Variants in MYLK3 observed in about 807,000 individuals in gnomAD.
The protein encoded by MYLK3 is MLC kinase.
Under a neutral mutation model 76.3 loss-of-function variants are expected in MYLK3, and 55 were observed. That is an observed-to-expected ratio of 0.72 (90% CI 0.58 to 0.90). The LOEUF (loss-of-function observed/expected upper bound fraction) is 0.90, where lower values mean the gene tolerates loss of function less well. Among genes scored for constraint, MYLK3 ranks in the 40% least tolerant of loss-of-function variants. The pLI is 0.00. For synonymous variants in MYLK3, 416 were observed against 425.4 expected, an observed-to-expected ratio of 0.98 and a Z score of 0.27; for missense variants, 973 against 1,053.6, an observed-to-expected ratio of 0.92 and a Z score of 1.06.
intron 9 of MYLK3, among the ~76,000 whole-genome samples, chr16:46,717,514 A>C (rs1359371396): frequency 6.6e-6 from 1 of 151,378 alleles, no homozygotes; most frequent in African/African-American, 2.4e-5. Context: ...TAGTGCCCTC[A>C]TCTTCCACTG....
intron 9 of MYLK3, among the ~76,000 whole-genome samples, chr16:46,716,449 G>GTA (rs1212791784): frequency 4.0e-5 from 6 of 151,238 alleles, no homozygotes; most frequent in Admixed American, 2.0e-4. Context: ...GTATGTATGT[G>GTA]TATATATATG....
intron 1 of MYLK3, among the ~76,000 whole-genome samples, chr16:46,760,115 G>A (rs1184619910): frequency 2.4e-4 from 37 of 152,220 alleles, no homozygotes; most frequent in Admixed American, 2.3e-3. Flanking sequence ...CAGTGCTCGT[G>A]ATCTCTGCTC....
Position 46,704,083 on chromosome 16 carries a change from G to C in MYLK3, c.*3621C>G, listed in dbSNP as rs1966602450. 6.6e-6 allele frequency: 1 copy of C among 152,086 alleles called. No homozygotes were observed. Among genetic ancestry groups the C allele is most frequent in the Non-Finnish European group, 1.5e-5 (1 of 68,032 alleles). The allele number at this position is 152,086 out of a possible 1,614,324, so 9.4% of individuals were successfully genotyped here. On this transcript the variant is annotated 3_prime_UTR_variant, in exon 13 of 13. Transcript: ENST00000394809. ...TGAAAACCTAGCATCTGAATTGACAGGTTTTTTTTTGTTTTGTTTGTTTGT... is the reference window on the plus strand; with the variant it reads ...TGAAAACCTAGCATCTGAATTGACACGTTTTTTTTTGTTTTGTTTGTTTGT...
chr16:46,747,634 C>T, intron 1 of MYLK3, 83 bp downstream of exon 1: 1 of 1,351,928 alleles, frequency 7.4e-7, no homozygotes, highest in Non-Finnish European at 1.0e-6. Flanking sequence ...ATGCCTCCAG[C>T]TCTCCAAACA....
At position 46,732,654 on chromosome 16, in the gene MYLK3, A is replaced by T. The variant is rs534005345; in HGVS notation, c.1016T>A (p.Ile339Lys). ...CTCCCCAGGAGTATCCATCTCTTGT[A>T]TGTGGATGGAGATCCTGGGGTGGAG... is the stretch of plus-strand genomic sequence containing the variant. ...GETPPRISIH[I>K]QEMDTPGEML... Residue 339 changes from isoleucine (I) to lysine (K), a missense_variant, in exon 4 of 13, where the codon ATA (isoleucine) becomes AAA (lysine). Physicochemically the swap from Ile to Lys is moderately radical, Grantham distance 102. Transcript: ENST00000394809. The T allele has an allele frequency of 1.6e-5, 25 of 1,520,646 alleles. No individual in the cohort carries two copies. The South Asian group carries it at 3.1e-4, about 19-fold the overall frequency. The allele number at this position is 1,520,646 out of a possible 1,614,324, so 94.2% of individuals were successfully genotyped here.
chr16:46,751,972 G>A (rs1012153652), upstream of MYLK3, among the ~76,000 whole-genome samples: 83 of 152,174 alleles, frequency 5.5e-4, no homozygotes, highest in African/African-American at 1.8e-3. Context: ...GGATGGGGAG[G>A]CATTGACCCC....
chr16:46,725,637 T>C (rs1966839385), intron 8 of MYLK3: 1 of 152,254 alleles, frequency 6.6e-6, no homozygotes, highest in African/African-American at 2.4e-5. Context: ...TTGTCATGAA[T>C]ATAATCCTTT....
Position 46,706,600 on chromosome 16 carries a change from C to G in MYLK3, c.*1104G>C, listed in dbSNP as rs564816350. 1.6e-4 allele frequency: 24 copies of G among 152,288 alleles called. No homozygotes were observed. Among genetic ancestry groups the G allele is most frequent in the African/African-American group, 5.8e-4 (24 of 41,570 alleles). The allele number at this position is 152,288 out of a possible 1,614,324, so 9.4% of individuals were successfully genotyped here. Reference sequence around the variant, plus strand: ...TGAGCCACCACACCCAGCTTATATACTGTATTCTTACAATAAAGTAAGCTA... The same window carrying G: ...TGAGCCACCACACCCAGCTTATATAGTGTATTCTTACAATAAAGTAAGCTA... On this transcript the variant is annotated 3_prime_UTR_variant, in exon 13 of 13. Transcript: ENST00000394809.
rs1475537497 is a variant in MYLK3 at position 46,704,560 on chromosome 16, C to T, written c.*3144G>A. On this transcript the variant is annotated 3_prime_UTR_variant, in exon 13 of 13. Transcript: ENST00000394809. ...CCCTGGGTTCAAGTGATTCTCTGGCCTCAGCCTCCCTAGTAGCTGGTAAAG... is the reference window on the plus strand; with the variant it reads ...CCCTGGGTTCAAGTGATTCTCTGGCTTCAGCCTCCCTAGTAGCTGGTAAAG... The T allele has an allele frequency of 6.6e-6, 1 of 152,110 alleles. No individual in the cohort carries two copies. The highest frequency in any genetic ancestry group is 1.5e-5 in the Non-Finnish European group (1 of 68,024). 9.4% of individuals were successfully genotyped at this position (152,110 alleles called of 1,614,324 possible).
At chr16:46,738,307 T>A (rs193168910) in intron 2 of MYLK3, among the ~76,000 whole-genome samples, 164 bp from the exon 3 acceptor site, 81 of 152,332 alleles carry the variant, frequency 5.3e-4, no homozygotes, top group Admixed American at 2.0e-3. Context: ...CCATGATGCA[T>A]CCAACAAGGA....
At chr16:46,754,880 C>A (rs952311463) in intron 1 of MYLK3, among the ~76,000 whole-genome samples, 2 of 151,002 alleles carry the variant, frequency 1.3e-5, no homozygotes, top group Non-Finnish European at 2.9e-5. Context: ...TTGTGATTTG[C>A]AAAAATGCAA....
chr16:46,757,210 TG>T (rs11320344), intron 1 of MYLK3, among the ~76,000 whole-genome samples: 119,958 of 152,130 alleles, frequency 0.79, 48,296 homozygotes, highest in East Asian at 1. Context: ...CCATCCACAT[TG>T]TCTGTCCACC....
intron 2 of MYLK3, among the ~76,000 whole-genome samples, 160 bp from the exon 3 acceptor site, chr16:46,738,303 T>C (rs1966882963): frequency 6.6e-6 from 1 of 152,244 alleles, no homozygotes; most frequent in African/African-American, 2.4e-5. Flanking sequence ...TAAACCATGA[T>C]GCATCCAACA....
rs1289953686 is a variant in MYLK3, at chr16:46,703,409, T to C, written c.*4295A>G. 1.3e-5 allele frequency: 2 copies of C among 152,228 alleles called. No homozygotes were observed. Among genetic ancestry groups the C allele is most frequent in the African/African-American group, 4.8e-5 (2 of 41,468 alleles). 9.4% of individuals were successfully genotyped at this position (152,228 alleles called of 1,614,324 possible). A position where few individuals can be genotyped will look rare whatever the true frequency, so the allele number is the denominator to read the frequency against. On this transcript the variant is annotated 3_prime_UTR_variant, in exon 13 of 13. Coordinates refer to ENST00000394809, the MANE Select transcript of MYLK3 (RefSeq NM_182493.3). ...TGGGAATGACTTTTATTTGGATACA[T>C]ATCCATCAAAAGTGGGAGAATGCCA...
At position 46,740,516 on chromosome 16, in the gene MYLK3, T is replaced by C. The variant is rs375055786; in HGVS notation, c.478-369A>G. ...AAATAATCATTTAAAAATATATACA[T>C]AAATATATATATATACATACATATA... On this transcript the variant is annotated intron_variant, in intron 1 of 12. Coordinates refer to ENST00000394809, the MANE Select transcript of MYLK3 (RefSeq NM_182493.3). Among the ~76,000 whole-genome samples, 4 of 128,948 alleles carry C rather than the reference T, an allele frequency of 3.1e-5. No homozygotes were observed. The East Asian group carries it at 6.5e-4, about 21-fold the overall frequency. 84.6% of individuals were successfully genotyped at this position (128,948 alleles called of 152,430 possible). A position where few individuals can be genotyped will look rare whatever the true frequency, so the allele number is the denominator to read the frequency against.
chr16:46,732,616 C>T lies in MYLK3; in HGVS notation c.1054G>A (p.Gly352Ser). ...AGGGTGGGTCCAAGGCTGCCCCTGC[C>T]TGTCATCAGCATCTCCCCAGGAGTA... The part of the protein sequence containing the change: ...MDTPGEMLMT[G>S]RGSLGPTLTT... Residue 352 changes from glycine to serine, a missense_variant, in exon 4 of 13, where the codon GGC (glycine) becomes AGC (serine). Coordinates refer to ENST00000394809, the MANE Select transcript of MYLK3 (RefSeq NM_182493.3). 1 of 1,571,520 alleles carries T rather than the reference C, an allele frequency of 6.4e-7. No individual in the cohort carries two copies. Among genetic ancestry groups the T allele is most frequent in the Non-Finnish European group, 8.6e-7 (1 of 1,165,432 alleles).
chr16:46,736,500 C>T (rs1966869035), intron 3 of MYLK3, among the ~76,000 whole-genome samples: 1 of 152,226 alleles, frequency 6.6e-6, no homozygotes, highest in Non-Finnish European at 1.5e-5. Flanking sequence ...AACTTTTCTT[C>T]TCTGTCAGAA....
In MYLK3 at chr16:46,732,351, A is replaced by C. The variant is rs376752336; in HGVS notation, c.1319T>G (p.Val440Gly). The C allele has an allele frequency of 2.1e-5, 34 of 1,613,158 alleles. No homozygotes were observed. Among genetic ancestry groups the C allele is most frequent in the Non-Finnish European group, 2.7e-5 (32 of 1,179,992 alleles). ...LARSDDNDHE[V>G]GALGLQQGKS... ...GCCCTGCTGCAGGCCCAGGGCCCCA[A>C]CCTCGTGGTCATTGTCGTCACTCCT... Residue 440 changes from valine (V) to glycine (G), a missense_variant, in exon 4 of 13, where the codon GTT becomes GGT. Coordinates refer to ENST00000394809, the MANE Select transcript of MYLK3 (RefSeq NM_182493.3).
intron 1 of MYLK3, among the ~76,000 whole-genome samples, chr16:46,742,847 T>C (rs1288393030): frequency 2.0e-5 from 3 of 152,150 alleles, no homozygotes; most frequent in Non-Finnish European, 4.4e-5. Flanking sequence ...AGCTCCCCCT[T>C]ATCCTTCTGC....
Sources: gnomAD v4.1 joint callset for allele counts (sites outside exome capture counted in the v4.1 genomes callset) on GRCh38, gnomAD v4.1.1 for gene constraint, MANE v1.5 for transcripts, NCBI Gene and HGNC (gene_info 2026-07-23, HGNC 2026-07-21) for gene names.